PTPN14: variants seen among roughly 807,000 people sequenced by gnomAD.
PTPN14 encodes the protein protein tyrosine phosphatase non-receptor type 14.
Under a neutral mutation model 126.8 loss-of-function variants are expected in PTPN14, and 53 were observed. That is an observed-to-expected ratio of 0.42 (90% CI 0.34 to 0.53). The LOEUF (loss-of-function observed/expected upper bound fraction) is 0.53, where lower values mean the gene tolerates loss of function less well. PTPN14 is among the 20% of genes least tolerant of loss of function. The pLI is 0.08. For synonymous variants in PTPN14, 630 were observed against 599.3 expected, an observed-to-expected ratio of 1.05 and a Z score of -0.75; for missense variants, 1,257 against 1,552.9, an observed-to-expected ratio of 0.81 and a Z score of 3.20.
At chr1:214,494,075 T>C (rs1050752213) in intron 1 of PTPN14, among the ~76,000 whole-genome samples, 1 of 151,436 alleles carries the variant, frequency 6.6e-6, no homozygotes, top group Non-Finnish European at 1.5e-5. Flanking sequence ...TTTCTTTCTC[T>C]TTTTTTTTCT....
chr1:214,466,343 T>A (rs929014131), intron 1 of PTPN14, among the ~76,000 whole-genome samples: 1 of 152,200 alleles, frequency 6.6e-6, no homozygotes, highest in African/African-American at 2.4e-5. Context: ...TTTGTCCTTT[T>A]TTTAACAAAT....
intron 3 of PTPN14, among the ~76,000 whole-genome samples, chr1:214,439,141 C>G (rs1267704532): frequency 6.6e-6 from 1 of 151,986 alleles, no homozygotes; most frequent in Non-Finnish European, 1.5e-5. Flanking sequence ...GAAGATTAAA[C>G]CAAAAAATAC....
chr1:214,451,143 TTTGTTTTTGTTTTTG>T (rs1011340422), intron 3 of PTPN14, among the ~76,000 whole-genome samples: 2 of 130,656 alleles, frequency 1.5e-5, no homozygotes, highest in African/African-American at 5.7e-5. Context: ...GAATTAGGTT[TTTGTTTTTGTTTTTG>T]TTGTTTTTGT....
intron 1 of PTPN14, among the ~76,000 whole-genome samples, chr1:214,484,867 AG>A (rs1661077764): frequency 6.6e-6 from 1 of 152,216 alleles, no homozygotes; most frequent in African/African-American, 2.4e-5. Context: ...TTATCTGAAA[AG>A]GTTGGACAAT....
At chr1:214,533,929 A>T (rs12125611) in intron 1 of PTPN14, among the ~76,000 whole-genome samples, 1 of 150,740 alleles carries the variant, frequency 6.6e-6, no homozygotes, top group African/African-American at 2.4e-5. Flanking sequence ...GAGGATGAAA[A>T]TGAGTTGTGT....
At chr1:214,459,955 G>A (rs943567561) in intron 2 of PTPN14, among the ~76,000 whole-genome samples, 21 of 152,134 alleles carry the variant, frequency 1.4e-4, no homozygotes, top group African/African-American at 4.6e-4. Flanking sequence ...CTGGAACACC[G>A]TTTTCTTTCT....
chr1:214,446,545 A>G (rs1171890344), intron 3 of PTPN14, among the ~76,000 whole-genome samples: 1 of 152,214 alleles, frequency 6.6e-6, no homozygotes, highest in African/African-American at 2.4e-5. Flanking sequence ...AATAAAGCCA[A>G]TCACTTTATT....
intron 1 of PTPN14, among the ~76,000 whole-genome samples, chr1:214,490,766 G>A (rs1275344710): frequency 4.0e-5 from 6 of 148,306 alleles, no homozygotes; most frequent in African/African-American, 1.3e-4. Flanking sequence ...GAACCCGGGA[G>A]GTGGAGGTTG....
chr1:214,500,726 C>T (rs533176421), intron 1 of PTPN14, among the ~76,000 whole-genome samples: 1 of 152,124 alleles, frequency 6.6e-6, no homozygotes, highest in South Asian at 2.1e-4. Flanking sequence ...CTGTTACATC[C>T]TATCTAAGGT....
At chr1:214,521,348 A>G (rs917888626) in intron 1 of PTPN14, among the ~76,000 whole-genome samples, 2 of 152,240 alleles carry the variant, frequency 1.3e-5, no homozygotes, top group Non-Finnish European at 2.9e-5. Context: ...ATAATCATCC[A>G]ATTAAAACGG....
At position 214,357,918 on chromosome 1, in the gene PTPN14, G is replaced by T; in HGVS notation, c.*4C>A. 6.2e-7 allele frequency: 1 copy of T among 1,611,866 alleles called. No individual in the cohort carries two copies. The highest frequency in any genetic ancestry group is 8.5e-7 in the Non-Finnish European group (1 of 1,178,728). ...TCCCTCCTCCAGGAGCTGGATTGGG[G>T]TGATTAAATGAGTCTGGAGTTTTGG... On this transcript the variant is annotated 3_prime_UTR_variant, in exon 19 of 19. Transcript: ENST00000366956.
In PTPN14 at chr1:214,505,080, A is replaced by G. The variant is rs115265498; in HGVS notation, c.-154-40123T>C. The stretch of plus-strand genomic sequence containing the variant: ...TGGCCAGTCTCATGGAAAGATCCTG[A>G]CAAGCAGTTGAAATTTGGGGGCCCC... On this transcript the variant is annotated intron_variant, in intron 1 of 18. Transcript: ENST00000366956. Among the ~76,000 whole-genome samples the G allele has an allele frequency of 2.9e-3, 438 of 152,170 alleles. 1 individual carries two copies. The highest frequency in any genetic ancestry group is 4.5e-3 in the Non-Finnish European group (309 of 68,010).
At chr1:214,428,016 C>T (rs985615020) in intron 3 of PTPN14, among the ~76,000 whole-genome samples, 19 of 152,174 alleles carry the variant, frequency 1.2e-4, no homozygotes, top group Admixed American at 1.2e-3. Context: ...GGTAAGGGTT[C>T]TGACGACAGT....
chr1:214,427,661 C>T (rs928566298), intron 3 of PTPN14, among the ~76,000 whole-genome samples: 1 of 151,712 alleles, frequency 6.6e-6, no homozygotes, highest in African/African-American at 2.4e-5. Context: ...GGAAGACAAG[C>T]AAAAATCAAG....
rs186238140 is a variant in PTPN14, at chr1:214,403,279, G to A, written c.511-326C>T. ...TGTACGTTTATAAAAAATGCTTTGC[G>A]TGTGCTTACATATTTCTAATGATTG... On this transcript the variant is annotated intron_variant, in intron 5 of 18. Transcript: ENST00000366956. Among the ~76,000 whole-genome samples the A allele has an allele frequency of 3.3e-3, 498 of 152,264 alleles. 1 individual carries two copies. The highest frequency in any genetic ancestry group is 3.9e-3 in the African/African-American group (160 of 41,550).
chr1:214,413,073 C>T (rs146433639), intron 4 of PTPN14, among the ~76,000 whole-genome samples: 35 of 152,226 alleles, frequency 2.3e-4, no homozygotes, highest in African/African-American at 5.1e-4. Flanking sequence ...GACAGAGTCT[C>T]GTTTTGTTGC....
chr1:214,499,586 T>C (rs541300527), intron 1 of PTPN14, among the ~76,000 whole-genome samples: 1 of 152,214 alleles, frequency 6.6e-6, no homozygotes, highest in African/African-American at 2.4e-5. Context: ...ACAAACATAA[T>C]TTAATTTTAA....
intron 7 of PTPN14, among the ~76,000 whole-genome samples, 195 bp from the exon 8 acceptor site, chr1:214,398,196 G>A (rs1430278737): frequency 1.3e-5 from 2 of 152,222 alleles, no homozygotes; most frequent in Non-Finnish European, 2.9e-5. Flanking sequence ...CAATACAGAT[G>A]GAATTGGAGA....
At chr1:214,534,687 T>C (rs527938024) in intron 1 of PTPN14, among the ~76,000 whole-genome samples, 3 of 140,510 alleles carry the variant, frequency 2.1e-5, no homozygotes, top group African/African-American at 8.3e-5. Context: ...CACTCCAGCC[T>C]GGGCAACAAA....
Sources: allele counts gnomAD v4.1 joint callset (sites outside exome capture counted in the v4.1 genomes callset), GRCh38; gene constraint gnomAD v4.1.1; transcripts MANE v1.5; gene names NCBI Gene and HGNC (gene_info 2026-07-23, HGNC 2026-07-21).